SLC39A7: variants seen among roughly 807,000 people sequenced by gnomAD.
SLC39A7 encodes zinc transporter SLC39A7.
SLC39A7 carries 25 observed loss-of-function variants against 39.7 expected under a neutral mutation model. The ratio of observed to expected loss-of-function variants is 0.63; its 90% CI spans 0.46 to 0.88. The LOEUF (loss-of-function observed/expected upper bound fraction) is 0.88. SLC39A7 is among the 40% of genes least tolerant of loss of function. The pLI is 0.00. For missense variants in SLC39A7, 501 were observed against 592.1 expected, an observed-to-expected ratio of 0.85 and a Z score of 1.60; for synonymous variants, 181 against 234.1, an observed-to-expected ratio of 0.77 and a Z score of 2.07.
Position 33,201,707 on chromosome 6 carries a change from A to G in SLC39A7, c.412-38A>G. On this transcript the variant is annotated intron_variant, in intron 1 of 6. Coordinates refer to ENST00000374677, the MANE Select transcript of SLC39A7 (RefSeq NM_006979.3). This position sits in a 1 kb window ranked among gnomAD's most constrained non-coding sequence, Gnocchi z 5.9. ...GAAGGGCTGGTTCTGGATTGTTGGG[A>G]AACTCCACAGTACTTGACCTTGACT... 1 of 1,612,320 alleles carries G rather than the reference A, an allele frequency of 6.2e-7. No individual in the cohort carries two copies. The highest frequency in any genetic ancestry group is 8.5e-7 in the Non-Finnish European group (1 of 1,178,772).
rs745393541 is a variant in SLC39A7, at chr6:33,202,385, G to A, written c.757G>A (p.Ala253Thr). ...GHGHSHGHGH[A>T]HSHTRGSHGH... ...TGGTCACAGTCATGGACATGGACAC[G>A]CTCACAGTCATACACGTGGAAGTCA... Residue 253 changes from alanine (A) to threonine (T), a missense_variant, in exon 4 of 7, where the codon GCT becomes ACT. Ala to Thr is a moderately conservative substitution (Grantham distance 58, BLOSUM62 0). Coordinates refer to ENST00000374677, the MANE Select transcript of SLC39A7 (RefSeq NM_006979.3). 12 of 1,612,544 alleles carry A rather than the reference G, an allele frequency of 7.4e-6. No homozygotes were observed. The highest frequency in any genetic ancestry group is 2.2e-5 in the South Asian group (2 of 91,048).
intron 6 of SLC39A7, 132 bp from the exon 7 acceptor site, chr6:33,203,409 C>T: frequency 2.1e-6 from 2 of 941,000 alleles, no homozygotes; most frequent in East Asian, 5.2e-5. Context: ...TAGACTGCTC[C>T]CTCTTCTCTT....
Position 33,201,983 on chromosome 6 carries a change from C to T in SLC39A7, c.580+70C>T. 2 of 1,597,922 alleles carry T rather than the reference C, an allele frequency of 1.3e-6. No homozygotes were observed. The highest frequency in any genetic ancestry group is 1.7e-6 in the Non-Finnish European group (2 of 1,166,286). On this transcript the variant is annotated intron_variant, in intron 2 of 6. Transcript: ENST00000374677. The surrounding 1 kb of genome is among the most constrained non-coding windows in gnomAD (Gnocchi z 5.9). The stretch of plus-strand genomic sequence containing the variant: ...CTTTGGAGGAAAAGGGTTCTTTCTC[C>T]TTTATGATCCCTGACCTTTCGATAT...
chr6:33,202,492 C>T lies in SLC39A7; in HGVS notation c.799+65C>T, dbSNP rs1416208265. The T allele has an allele frequency of 2.5e-6, 4 of 1,599,450 alleles. No individual in the cohort carries two copies. The South Asian group carries it at 3.4e-5, about 13-fold the overall frequency. On this transcript the variant is annotated intron_variant, in intron 4 of 6. Coordinates refer to ENST00000374677, the MANE Select transcript of SLC39A7 (RefSeq NM_006979.3). ...GCCTCAGAATCTCCTCATCTTATGG[C>T]CCTCAGGAGGGAGAGGACATGTTGG...
At position 33,204,252 on chromosome 6, in the gene SLC39A7, G is replaced by A. The variant is rs1430781567; in HGVS notation, c.*439G>A. 1.3e-5 allele frequency: 6 copies of A among 469,064 alleles called. No homozygotes were observed. Among genetic ancestry groups the A allele is most frequent in the Non-Finnish European group, 2.3e-5 (6 of 258,278 alleles). The allele number at this position is 469,064 out of a possible 1,614,324, so 29.1% of individuals were successfully genotyped here. On this transcript the variant is annotated 3_prime_UTR_variant, in exon 7 of 7. Transcript: ENST00000374677. ...GACAGAGAGGGTAACAGGAGGAGTC[G>A]GGGATAAACATCAAACATCAATCGT...
Position 33,201,116 on chromosome 6 carries a change from TG to T in SLC39A7, c.-127del. ...GAACTAGTCTTGGGAACAATGTAGG[TG>T]GGAACTTAAGGGAATGGGAGAGCGG... On this transcript the variant is annotated 5_prime_UTR_variant, in exon 1 of 7. Coordinates refer to ENST00000374677, the MANE Select transcript of SLC39A7 (RefSeq NM_006979.3). The surrounding 1 kb of genome is among the most constrained non-coding windows in gnomAD (Gnocchi z 5.9). 1.1e-6 allele frequency: 1 copy of T among 924,812 alleles called. No homozygotes were observed. Among genetic ancestry groups the T allele is most frequent in the Non-Finnish European group, 1.7e-6 (1 of 592,578 alleles). 57.3% of individuals were successfully genotyped at this position (924,812 alleles called of 1,614,324 possible). A position where few individuals can be genotyped will look rare whatever the true frequency, so the allele number is the denominator to read the frequency against.
chr6:33,201,123 T>A lies in SLC39A7; in HGVS notation c.-123T>A. ...TCTTGGGAACAATGTAGGTGGGAAC[T>A]TAAGGGAATGGGAGAGCGGCCCATA... On this transcript the variant is annotated 5_prime_UTR_variant, in exon 1 of 7. Transcript: ENST00000374677. This position sits in a 1 kb window ranked among gnomAD's most constrained non-coding sequence, Gnocchi z 5.9. 1 of 993,040 alleles carries A rather than the reference T, an allele frequency of 1.0e-6. No individual in the cohort carries two copies. The highest frequency in any genetic ancestry group is 1.5e-5 in the South Asian group (1 of 66,358). 61.5% of individuals were successfully genotyped at this position (993,040 alleles called of 1,614,324 possible).
Position 33,201,680 on chromosome 6 carries a change from G to A in SLC39A7, c.411+24G>A. The A allele has an allele frequency of 6.2e-7, 1 of 1,611,024 alleles. No homozygotes were observed. The highest frequency in any genetic ancestry group is 8.5e-7 in the Non-Finnish European group (1 of 1,177,770). On this transcript the variant is annotated intron_variant, in intron 1 of 6. Coordinates refer to ENST00000374677, the MANE Select transcript of SLC39A7 (RefSeq NM_006979.3). This position sits in a 1 kb window ranked among gnomAD's most constrained non-coding sequence, Gnocchi z 5.9. ...ATGTGAGTCTCCAGGGGATGGGAGA[G>A]AGAAGGGCTGGTTCTGGATTGTTGG...
Position 33,202,274 on chromosome 6 carries a change from A to T in SLC39A7, c.646A>T (p.Ile216Phe). ...GCCTCCATTCCCAGGCCAGGGCCCC[A>T]TTCTGTCTGTGGGACTGTGGGTTCT... ...HGHSHSGQGPILSVGLWVLSG... is the reference protein window; with the variant it reads ...HGHSHSGQGPFLSVGLWVLSG... Residue 216 changes from isoleucine to phenylalanine, a missense_variant, in exon 4 of 7, where the codon ATT becomes TTT. Transcript: ENST00000374677. 1 of 1,612,684 alleles carries T rather than the reference A, an allele frequency of 6.2e-7. No homozygotes were observed.
rs1202409452 is a variant in SLC39A7 at position 33,203,547 on chromosome 6, C to T, written c.1144C>T (p.Arg382Cys). ...TCTCTTTTCTGCCCATCAGGCGATGCGTCTGCAACTACTGACAGCAGTAGG... is the reference window on the plus strand; with the variant it reads ...TCTCTTTTCTGCCCATCAGGCGATGTGTCTGCAACTACTGACAGCAGTAGG... ...QSGCSKKQAM[R>C]LQLLTAVGAL... The change falls in exon 7 of 7, where the codon CGT becomes TGT. Residue 382 changes from arginine (R) to cysteine (C), a missense_variant. By Grantham distance (180) the Arg-to-Cys change is radical. Coordinates refer to ENST00000374677, the MANE Select transcript of SLC39A7 (RefSeq NM_006979.3). The T allele has an allele frequency of 5.6e-6, 9 of 1,614,022 alleles. No homozygotes were observed. The highest frequency in any genetic ancestry group is 2.2e-5 in the East Asian group (1 of 44,896).
chr6:33,202,956 C>T lies in SLC39A7; in HGVS notation c.987C>T (p.His329=). Residue 329 remains histidine, a synonymous_variant, in exon 6 of 7, where the codon CAC becomes CAT. Coordinates refer to ENST00000374677, the MANE Select transcript of SLC39A7 (RefSeq NM_006979.3). ...GYLNLAADLA[H]NFTDGLAIGA... ...TGAATCTGGCTGCTGACTTGGCACACAACTTCACTGATGGTCTGGCCATTG... is the reference window on the plus strand; with the variant it reads ...TGAATCTGGCTGCTGACTTGGCACATAACTTCACTGATGGTCTGGCCATTG... 6.2e-7 allele frequency: 1 copy of T among 1,612,422 alleles called. No homozygotes were observed. Among genetic ancestry groups the T allele is most frequent in the Non-Finnish European group, 8.5e-7 (1 of 1,179,850 alleles).
rs1283755830 is a variant in SLC39A7 at position 33,201,781 on chromosome 6, T to G, written c.448T>G (p.Phe150Val). 1.9e-6 allele frequency: 3 copies of G among 1,613,898 alleles called. No homozygotes were observed. The highest frequency in any genetic ancestry group is 2.2e-5 in the South Asian group (2 of 91,078). ...GATVLISAAP[F>V]FVLFLIPVES... ...CACAGTGCTGATCTCAGCAGCTCCA[T>G]TTTTTGTCCTCTTCCTTATCCCCGT... The change falls in exon 2 of 7, where the codon TTT becomes GTT. Residue 150 changes from phenylalanine to valine, a missense_variant. Physicochemically the swap from Phe to Val is conservative, Grantham distance 50 (BLOSUM62 -1). Transcript: ENST00000374677. The surrounding 1 kb of genome is among the most constrained non-coding windows in gnomAD (Gnocchi z 5.9).
chr6:33,202,589 G>A lies in SLC39A7; in HGVS notation c.829G>A (p.Glu277Lys). 2.5e-6 allele frequency: 4 copies of A among 1,609,988 alleles called. No individual in the cohort carries two copies. Among genetic ancestry groups the A allele is most frequent in the East Asian group, 2.2e-5 (1 of 44,880 alleles). ...ERSTKEKQSS[E>K]EEEKETRGVQ... ...TTCTACCAAGGAGAAGCAGAGCTCAGAGGAAGAAGAAAAGGAAACAAGAGG... is the reference window on the plus strand; with the variant it reads ...TTCTACCAAGGAGAAGCAGAGCTCAAAGGAAGAAGAAAAGGAAACAAGAGG... Residue 277 changes from glutamate to lysine, a missense_variant, in exon 5 of 7, where the codon GAG (glutamate) becomes AAG (lysine). Transcript: ENST00000374677.
rs1290874405 is a variant in SLC39A7 at position 33,202,060 on chromosome 6, C to T, written c.581-12C>T. 1 of 1,612,750 alleles carries T rather than the reference C, an allele frequency of 6.2e-7. No homozygotes were observed. Among genetic ancestry groups the T allele is most frequent in the Non-Finnish European group, 8.5e-7 (1 of 1,179,802 alleles). On this transcript the variant is annotated splice_polypyrimidine_tract_variant and intron_variant, in intron 2 of 6. Coordinates refer to ENST00000374677, the MANE Select transcript of SLC39A7 (RefSeq NM_006979.3). ...AGATATTCCCTCATCTGGTTTTCCC[C>T]CCTTCTTCCAGAACCTCATTCTCAC...
chr6:33,201,037 G>A lies in SLC39A7; in HGVS notation c.-209G>A, dbSNP rs1583429831. 6.6e-6 allele frequency: 5 copies of A among 758,706 alleles called. No homozygotes were observed. Among genetic ancestry groups the A allele is most frequent in the Non-Finnish European group, 9.3e-6 (4 of 430,536 alleles). The allele number at this position is 758,706 out of a possible 1,614,324, so 47.0% of individuals were successfully genotyped here. ...GCCCAGAGAGTCTGTAAAGTGGCTGGTGAAAGATTAGTGTCCCAGGGCCCT... is the reference window on the plus strand; with the variant it reads ...GCCCAGAGAGTCTGTAAAGTGGCTGATGAAAGATTAGTGTCCCAGGGCCCT... On this transcript the variant is annotated 5_prime_UTR_variant, in exon 1 of 7. The change creates a new upstream start codon in the 5' untranslated region. Transcript: ENST00000374677. The surrounding 1 kb of genome is among the most constrained non-coding windows in gnomAD (Gnocchi z 5.9).
chr6:33,201,019 G>A lies in SLC39A7; in HGVS notation c.-227G>A. ...TGAGTCGTAGAGACGAGGGCCCAGA[G>A]AGTCTGTAAAGTGGCTGGTGAAAGA... On this transcript the variant is annotated 5_prime_UTR_variant, in exon 1 of 7. Transcript: ENST00000374677. This position sits in a 1 kb window ranked among gnomAD's most constrained non-coding sequence, Gnocchi z 5.9. 1 of 767,420 alleles carries A rather than the reference G, an allele frequency of 1.3e-6. No individual in the cohort carries two copies. The highest frequency in any genetic ancestry group is 1.5e-5 in the South Asian group (1 of 67,796). 47.5% of individuals were successfully genotyped at this position (767,420 alleles called of 1,614,324 possible).
chr6:33,203,827 T>C lies in SLC39A7; in HGVS notation c.*14T>C. On this transcript the variant is annotated 3_prime_UTR_variant, in exon 7 of 7. Coordinates refer to ENST00000374677, the MANE Select transcript of SLC39A7 (RefSeq NM_006979.3). ...CACCTTGAGTGAGGGGTGGATAAAC[T>C]ACCCCTGCCCCAAACCTCTACCCCT... 2 of 1,612,368 alleles carry C rather than the reference T, an allele frequency of 1.2e-6. No individual in the cohort carries two copies. The highest frequency in any genetic ancestry group is 1.7e-4 in the Middle Eastern group (1 of 5,752).
chr6:33,204,275 C>T lies in SLC39A7; in HGVS notation c.*462C>T, dbSNP rs1344959829. 6 of 488,048 alleles carry T rather than the reference C, an allele frequency of 1.2e-5. No homozygotes were observed. Among genetic ancestry groups the T allele is most frequent in the South Asian group, 4.3e-5 (2 of 45,978 alleles). 30.2% of individuals were successfully genotyped at this position (488,048 alleles called of 1,614,324 possible). A position where few individuals can be genotyped will look rare whatever the true frequency, so the allele number is the denominator to read the frequency against. ...TCGGGGATAAACATCAAACATCAAT[C>T]GTGTGTCCTGATTTGGGAGTGATTG... On this transcript the variant is annotated 3_prime_UTR_variant, in exon 7 of 7. Transcript: ENST00000374677.
At chr6:33,202,051 G>C in intron 2 of SLC39A7, 21 bp from the exon 3 acceptor site, 1 of 1,612,170 alleles carries the variant, frequency 6.2e-7, no homozygotes, top group Non-Finnish European at 8.5e-7. Context: ...TCCCTCATCT[G>C]GTTTTCCCCC....
Sources: allele counts gnomAD v4.1 joint callset, GRCh38; gene constraint gnomAD v4.1.1; non-coding constraint Gnocchi (gnomAD v3.1); transcripts MANE v1.5; gene names NCBI Gene and HGNC (gene_info 2026-07-23, HGNC 2026-07-21).